Variants in ARK2N observed in about 807,000 individuals in gnomAD.
ARK2N encodes the protein protein ARK2N.
At chr18:46,224,175 C>A in the ARK2N span, among the ~76,000 whole-genome samples, 1 of 152,150 alleles carries the variant, frequency 6.6e-6, no homozygotes. Flanking sequence ...TTGTTTTAAA[C>A]CACAGGGCAC....
At chr18:46,188,784 C>T in the ARK2N span, among the ~76,000 whole-genome samples, 1 of 152,000 alleles carries the variant, frequency 6.6e-6, no homozygotes, top group Non-Finnish European at 1.5e-5. Context: ...AGGCAGAGGC[C>T]GGGGGATCAC....
the ARK2N span, among the ~76,000 whole-genome samples, chr18:46,197,279 G>A: frequency 1.3e-5 from 2 of 152,034 alleles, no homozygotes; most frequent in East Asian, 3.9e-4. Context: ...AGAGTCTGGA[G>A]TCTGGAGTGC....
At chr18:46,201,510 C>T in the ARK2N span, among the ~76,000 whole-genome samples, 1 of 152,050 alleles carries the variant, frequency 6.6e-6, no homozygotes, top group East Asian at 1.9e-4. Context: ...ACGATGCTTT[C>T]CTTCATTGCG....
chr18:46,184,869 G>T, the ARK2N span, among the ~76,000 whole-genome samples: 1,874 of 152,270 alleles, frequency 0.012, 49 homozygotes, highest in African/African-American at 0.043. Context: ...TTGTGGTTAT[G>T]TAGCCAAAGA....
chr18:46,262,278 G>A, the ARK2N span, among the ~76,000 whole-genome samples: 3 of 152,250 alleles, frequency 2.0e-5, no homozygotes, highest in East Asian at 3.9e-4. Flanking sequence ...CTCTCCCTCC[G>A]ATAGAACCCT....
chr18:46,236,022 T>C, the ARK2N span, among the ~76,000 whole-genome samples: 2 of 152,234 alleles, frequency 1.3e-5, no homozygotes, highest in Admixed American at 6.5e-5. Flanking sequence ...GATACTTCTA[T>C]ATTTTGGTAT....
the ARK2N span, among the ~76,000 whole-genome samples, chr18:46,255,293 T>G: frequency 6.6e-6 from 1 of 152,220 alleles, no homozygotes; most frequent in African/African-American, 2.4e-5. Context: ...TGGCCAATTC[T>G]GGCTTTTTCA....
At chr18:46,236,234 A>C in the ARK2N span, among the ~76,000 whole-genome samples, 1 of 152,178 alleles carries the variant, frequency 6.6e-6, no homozygotes, top group East Asian at 1.9e-4. Context: ...GCTAGTCTCG[A>C]ACTCCTGGGC....
the ARK2N span, among the ~76,000 whole-genome samples, chr18:46,194,958 G>A: frequency 6.6e-5 from 10 of 151,458 alleles, no homozygotes; most frequent in South Asian, 1.7e-3. Flanking sequence ...GTGCTACCAC[G>A]CCTGGCTAAT....
At chr18:46,236,852 T>A in the ARK2N span, among the ~76,000 whole-genome samples, 2 of 151,284 alleles carry the variant, frequency 1.3e-5, no homozygotes, top group African/African-American at 4.9e-5. Flanking sequence ...TTGTTGTTGT[T>A]GTTGTTTGTT....
chr18:46,251,264 A>G, the ARK2N span, among the ~76,000 whole-genome samples: 1 of 152,226 alleles, frequency 6.6e-6, no homozygotes, highest in Non-Finnish European at 1.5e-5. Flanking sequence ...ACATTGAAGT[A>G]GAACTTGGAT....
chr18:46,250,627 A>G, the ARK2N span, among the ~76,000 whole-genome samples: 7 of 151,700 alleles, frequency 4.6e-5, no homozygotes, highest in African/African-American at 1.7e-4. Context: ...CCTGCTTGCT[A>G]TCAGTTTCAT....
At chr18:46,216,478 C>T in the ARK2N span, 1 of 1,614,148 alleles carries the variant, frequency 6.2e-7, no homozygotes, top group Admixed American at 1.7e-5. The surrounding 1 kb of genome is among the most constrained non-coding windows in gnomAD (Gnocchi z 4.3). Flanking sequence ...GAAATATAAC[C>T]TGCTGCAGGA....
the ARK2N span, chr18:46,216,686 C>T: frequency 8.8e-7 from 1 of 1,132,974 alleles, no homozygotes; most frequent in Non-Finnish European, 1.2e-6. The surrounding 1 kb of genome is among the most constrained non-coding windows in gnomAD (Gnocchi z 4.3). Context: ...TGAAAAAATC[C>T]AGGAGACCTG....
At chr18:46,249,689 C>T in the ARK2N span, among the ~76,000 whole-genome samples, 65,462 of 152,106 alleles carry the variant, frequency 0.43, 16,074 homozygotes, top group Middle Eastern at 0.56. Context: ...AGGTCTCTCT[C>T]ATTGTTAAAA....
the ARK2N span, among the ~76,000 whole-genome samples, chr18:46,227,062 A>C: frequency 6.6e-6 from 1 of 151,634 alleles, no homozygotes; most frequent in Non-Finnish European, 1.5e-5. Context: ...ACCCACCTCC[A>C]CCTCCCAAAG....
chr18:46,188,640 C>A, the ARK2N span, among the ~76,000 whole-genome samples: 1 of 152,116 alleles, frequency 6.6e-6, no homozygotes, highest in South Asian at 2.1e-4. Flanking sequence ...AGCCACCATG[C>A]CTGGCAAAAA....
the ARK2N span, chr18:46,253,969 C>T: frequency 1.0e-6 from 1 of 970,882 alleles, no homozygotes; most frequent in East Asian, 2.7e-5. Context: ...GTTTAAGAAA[C>T]ACTTTTTGTT....
chr18:46,182,472 G>A, the ARK2N span, among the ~76,000 whole-genome samples: 81 of 152,208 alleles, frequency 5.3e-4, no homozygotes, highest in South Asian at 0.017. Flanking sequence ...GGCCAGGCAT[G>A]GTAGCTCACA....
Sources: allele counts gnomAD v4.1 joint callset (sites outside exome capture counted in the v4.1 genomes callset), GRCh38; gene constraint gnomAD v4.1.1; non-coding constraint Gnocchi (gnomAD v3.1); transcripts MANE v1.5; gene names NCBI Gene and HGNC (gene_info 2026-07-23, HGNC 2026-07-21).